NKAIN3: variants seen among roughly 807,000 people sequenced by gnomAD.
The protein encoded by NKAIN3 is sodium/potassium transporting ATPase interacting 3, also known as sodium/potassium-transporting ATPase subunit beta-1-interacting protein 3.
In NKAIN3, 25 loss-of-function variants were observed where a neutral mutation model predicts 30.2. That is an observed-to-expected ratio of 0.83 (90% confidence interval 0.60 to 1.16). The LOEUF (loss-of-function observed/expected upper bound fraction) is 1.16. Ranked by LOEUF, NKAIN3 falls within the 50% of genes most tolerant of loss-of-function variation. The pLI is 0.00. For synonymous variants in NKAIN3, 91 were observed against 89.6 expected, an observed-to-expected ratio of 1.02 and a Z score of -0.09; for missense variants, 225 against 254.1, an observed-to-expected ratio of 0.89 and a Z score of 0.78.
intron 1 of NKAIN3, among the ~76,000 whole-genome samples, chr8:62,287,861 T>G (rs927328032): frequency 2.6e-5 from 4 of 152,162 alleles, no homozygotes; most frequent in Non-Finnish European, 5.9e-5. Context: ...GCAGACTCCT[T>G]TGGGAAGCAC....
In NKAIN3 at chr8:62,416,828, C is replaced by G. The variant is rs190843072; in HGVS notation, c.55-162711C>G. Among the ~76,000 whole-genome samples the G allele has an allele frequency of 3.4e-3, 523 of 151,984 alleles. 3 individuals carry two copies. The highest frequency in any genetic ancestry group is 5.6e-3 in the Non-Finnish European group (383 of 68,000). Reference sequence around the variant, plus strand: ...TGGCCAACATGGTGAAACCCCGTCTCTACTAAAAATACAAAATTAGCTGAG... The same window carrying G: ...TGGCCAACATGGTGAAACCCCGTCTGTACTAAAAATACAAAATTAGCTGAG... On this transcript the variant is annotated intron_variant, in intron 1 of 6. Transcript: ENST00000623646.
chr8:62,409,733 CA>C (rs1339367925), intron 1 of NKAIN3, among the ~76,000 whole-genome samples: 9 of 151,660 alleles, frequency 5.9e-5, no homozygotes, highest in Admixed American at 2.6e-4. Context: ...GAAAAATATC[CA>C]ACTTCAGAGT....
intron 1 of NKAIN3, among the ~76,000 whole-genome samples, chr8:62,496,334 T>G (rs1000752511): frequency 6.6e-6 from 1 of 152,112 alleles, no homozygotes. Context: ...GGGGAAAAGT[T>G]GCATGCTTTT....
chr8:62,893,153 T>C (rs1821340343), intron 4 of NKAIN3, among the ~76,000 whole-genome samples: 1 of 152,162 alleles, frequency 6.6e-6, no homozygotes, highest in African/African-American at 2.4e-5. Context: ...CATAAAAGGT[T>C]GAGCTCAGGG....
intron 1 of NKAIN3, among the ~76,000 whole-genome samples, chr8:62,565,922 T>C (rs562932919): frequency 6.6e-6 from 1 of 152,270 alleles, no homozygotes; most frequent in South Asian, 2.1e-4. Context: ...ATTTATTGAG[T>C]GTCTATACTA....
rs148213672 is a variant in NKAIN3, at chr8:62,689,041, C to G, written c.274-57891C>G. The stretch of plus-strand genomic sequence containing the variant: ...ATATTACTTTTATAGTTTGCCCATT[C>G]TACGTGCTAATTTTTATTTGCTATT... On this transcript the variant is annotated intron_variant, in intron 3 of 6. Transcript: ENST00000623646. Among the ~76,000 whole-genome samples, 835 of 152,234 alleles carry G rather than the reference C, an allele frequency of 5.5e-3. 7 individuals carry two copies. Among genetic ancestry groups the G allele is most frequent in the African/African-American group, 0.019 (777 of 41,554 alleles).
intron 5 of NKAIN3, among the ~76,000 whole-genome samples, chr8:62,933,913 C>T (rs10100440): frequency 0.09 from 13,656 of 152,182 alleles, 644 homozygotes; most frequent in South Asian, 0.15. Context: ...TGAAAAATTA[C>T]AAAAACTTTG....
intron 3 of NKAIN3, among the ~76,000 whole-genome samples, chr8:62,703,681 C>T (rs768760686): frequency 6.6e-6 from 1 of 152,158 alleles, no homozygotes; most frequent in Admixed American, 6.5e-5. Flanking sequence ...GGTTTTCTCT[C>T]TCATTTAGTG....
At chr8:62,638,317 C>A (rs1049749821) in intron 3 of NKAIN3, among the ~76,000 whole-genome samples, 3 of 152,166 alleles carry the variant, frequency 2.0e-5, no homozygotes, top group African/African-American at 2.4e-5. Context: ...TATTAATCCT[C>A]AACCTCATGG....
At chr8:62,964,812 T>TAA (rs34832994) in intron 6 of NKAIN3, among the ~76,000 whole-genome samples, 21,402 of 150,706 alleles carry the variant, frequency 0.14, 1,757 homozygotes, top group East Asian at 0.22. Context: ...ATAAAAAATT[T>TAA]AAAAAAAAAC....
At chr8:62,957,593 A>T (rs889855102) in intron 6 of NKAIN3, among the ~76,000 whole-genome samples, 4 of 152,208 alleles carry the variant, frequency 2.6e-5, no homozygotes, top group Non-Finnish European at 4.4e-5. Flanking sequence ...CATTAAATGC[A>T]TGTTATGAAA....
chr8:62,764,152 G>A (rs888026864), intron 4 of NKAIN3, among the ~76,000 whole-genome samples: 2 of 152,184 alleles, frequency 1.3e-5, no homozygotes, highest in Non-Finnish European at 2.9e-5. Context: ...TTGATCAAGA[G>A]GAACTTTAAA....
intron 6 of NKAIN3, among the ~76,000 whole-genome samples, chr8:62,960,526 A>G (rs374561152): frequency 1.3e-5 from 2 of 152,122 alleles, no homozygotes; most frequent in South Asian, 4.1e-4. Context: ...AAAAAAATCA[A>G]CAACATAAAA....
At chr8:62,791,956 T>C (rs1013412271) in intron 4 of NKAIN3, among the ~76,000 whole-genome samples, 1 of 152,166 alleles carries the variant, frequency 6.6e-6, no homozygotes, top group Non-Finnish European at 1.5e-5. Context: ...TGTTTTGATA[T>C]GTATGCATTG....
intron 5 of NKAIN3, among the ~76,000 whole-genome samples, chr8:62,932,856 G>A (rs1295944845): frequency 6.6e-6 from 1 of 151,974 alleles, no homozygotes; most frequent in Non-Finnish European, 1.5e-5. Context: ...TCCCACCTCA[G>A]CTTCCCAAAG....
intron 3 of NKAIN3, among the ~76,000 whole-genome samples, chr8:62,625,689 A>G (rs577908178): frequency 3.3e-5 from 5 of 152,258 alleles, no homozygotes; most frequent in Admixed American, 1.3e-4. Flanking sequence ...TTCAATTTGC[A>G]TAAGGATTGA....
chr8:62,709,991 C>T (rs187437278), intron 3 of NKAIN3, among the ~76,000 whole-genome samples: 1 of 152,130 alleles, frequency 6.6e-6, no homozygotes, highest in Admixed American at 6.6e-5. Flanking sequence ...AAAGCTCATT[C>T]AGGATCAGAT....
At chr8:62,532,953 T>C (rs1315352404) in intron 1 of NKAIN3, among the ~76,000 whole-genome samples, 1 of 152,132 alleles carries the variant, frequency 6.6e-6, no homozygotes, top group African/African-American at 2.4e-5. Context: ...AGAATATTCT[T>C]TATTCATTCA....
chr8:62,408,106 A>G (rs2129595686), intron 1 of NKAIN3, among the ~76,000 whole-genome samples: 1 of 152,250 alleles, frequency 6.6e-6, no homozygotes, highest in South Asian at 2.1e-4. Flanking sequence ...CATCTGCTTC[A>G]TTTATTTTCA....
Sources: allele counts gnomAD v4.1 joint callset (sites outside exome capture counted in the v4.1 genomes callset), GRCh38; gene constraint gnomAD v4.1.1; transcripts MANE v1.5; gene names NCBI Gene and HGNC (gene_info 2026-07-23, HGNC 2026-07-21).